ANKIB1: variants seen among roughly 807,000 people sequenced by gnomAD.
The protein encoded by ANKIB1 is ankyrin repeat and IBR domain-containing protein 1.
In ANKIB1, 43 loss-of-function variants were observed where a neutral mutation model predicts 122.1. The ratio of observed to expected loss-of-function variants is 0.35; its 90% CI spans 0.28 to 0.45. ANKIB1 has a LOEUF of 0.45. Ranked by LOEUF, ANKIB1 falls within the 20% of genes least tolerant of loss-of-function variation. The pLI, the probability that ANKIB1 is intolerant of heterozygous loss-of-function variation, is 1.00. For synonymous variants in ANKIB1, 390 were observed against 442.0 expected (o/e 0.88, Z 1.48); for missense variants, 992 against 1,329.5 (o/e 0.75, Z 3.95).
At chr7:92,305,003 T>C (rs1454786799) in intron 2 of ANKIB1, among the ~76,000 whole-genome samples, 5 of 152,184 alleles carry the variant, frequency 3.3e-5, no homozygotes, top group Non-Finnish European at 5.9e-5. Flanking sequence ...GTTATAACAC[T>C]CGTGGATAGA....
At position 92,307,657 on chromosome 7, in the gene ANKIB1, G is replaced by T; in HGVS notation, c.486+1G>T. 1 of 1,514,056 alleles carries T rather than the reference G, an allele frequency of 6.6e-7. No individual in the cohort carries two copies. 93.8% of individuals were successfully genotyped at this position (1,514,056 alleles called of 1,614,324 possible). A position where few individuals can be genotyped will look rare whatever the true frequency, so the allele number is the denominator to read the frequency against. On this transcript the variant is annotated splice_donor_variant, in intron 3 of 19. Transcript: ENST00000265742. LOFTEE classifies it high-confidence loss of function. ...CTCAGGGATGAAAGCCTGTGTAGAG[G>T]TAAATTTTTTTTTTTTTTAATATTC... is the stretch of plus-strand genomic sequence containing the variant.
intron 5 of ANKIB1, among the ~76,000 whole-genome samples, chr7:92,334,783 A>G (rs1468106836): frequency 8.5e-5 from 13 of 152,098 alleles, no homozygotes; most frequent in Admixed American, 3.9e-4. Context: ...TTTTCATATC[A>G]ATAGCTATAT....
intron 9 of ANKIB1, among the ~76,000 whole-genome samples, chr7:92,357,336 T>G (rs1803836448): frequency 6.6e-6 from 1 of 152,136 alleles, no homozygotes; most frequent in Admixed American, 6.6e-5. Context: ...TGTCCTGAGA[T>G]TCCCCTCCCC....
At chr7:92,383,113 C>A (rs1384930627) in intron 11 of ANKIB1, among the ~76,000 whole-genome samples, 1 of 152,154 alleles carries the variant, frequency 6.6e-6, no homozygotes, top group African/African-American at 2.4e-5. Context: ...ACATAAACAC[C>A]TCTACTCAAA....
chr7:92,317,157 C>T (rs1214792388), intron 3 of ANKIB1, among the ~76,000 whole-genome samples: 1 of 152,138 alleles, frequency 6.6e-6, no homozygotes, highest in Non-Finnish European at 1.5e-5. Context: ...TCTGGATTTA[C>T]TATAAGTTCC....
intron 7 of ANKIB1, among the ~76,000 whole-genome samples, chr7:92,345,834 G>A (rs961882586): frequency 1.3e-5 from 2 of 151,384 alleles, no homozygotes; most frequent in African/African-American, 4.9e-5. Context: ...GTTAGCAAGT[G>A]TAGGGAGCTA....
chr7:92,261,948 G>A (rs191414182), intron 1 of ANKIB1, among the ~76,000 whole-genome samples: 3 of 152,316 alleles, frequency 2.0e-5, no homozygotes, highest in East Asian at 1.9e-4. Context: ...GTAGGGAAGC[G>A]CAGTGACTCT....
intron 2 of ANKIB1, among the ~76,000 whole-genome samples, chr7:92,301,056 T>TA (rs1234611328): frequency 4.6e-5 from 7 of 152,188 alleles, no homozygotes; most frequent in Non-Finnish European, 8.8e-5. Context: ...TAATATTCCA[T>TA]TGTATATATG....
intron 2 of ANKIB1, among the ~76,000 whole-genome samples, 190 bp downstream of exon 2, chr7:92,295,356 T>G (rs1802332793): frequency 6.6e-6 from 1 of 152,178 alleles, no homozygotes; most frequent in Admixed American, 6.6e-5. Flanking sequence ...TACCTAAATA[T>G]TTGATATCAT....
chr7:92,351,055 A>C lies in ANKIB1; in HGVS notation c.1191A>C (p.Ser397=). The change falls in exon 8 of 20, where the codon TCA becomes TCC. Residue 397 remains serine, a synonymous_variant. Transcript: ENST00000265742. Reference sequence around the variant, plus strand: ...TGGATATCATAGAAAGTGTAGTTTCAAAGGAGATGGACAAACGATACCTAC... The same window carrying C: ...TGGATATCATAGAAAGTGTAGTTTCCAAGGAGATGGACAAACGATACCTAC... ...VPVDIIESVV[S]KEMDKRYLQF... The C allele has an allele frequency of 6.3e-7, 1 of 1,589,836 alleles. No individual in the cohort carries two copies. Among genetic ancestry groups the C allele is most frequent in the East Asian group, 2.3e-5 (1 of 44,312 alleles).
intron 11 of ANKIB1, among the ~76,000 whole-genome samples, chr7:92,381,031 A>G (rs1221523188): frequency 6.6e-6 from 1 of 152,214 alleles, no homozygotes; most frequent in Non-Finnish European, 1.5e-5. Context: ...TGAATGGCTA[A>G]CTAGAATAAA....
chr7:92,256,396 C>T (rs761363282), intron 1 of ANKIB1, among the ~76,000 whole-genome samples: 2 of 152,088 alleles, frequency 1.3e-5, no homozygotes, highest in African/African-American at 2.4e-5. Flanking sequence ...AAGCAAGGGC[C>T]ACCTATTAAG....
intron 1 of ANKIB1, among the ~76,000 whole-genome samples, chr7:92,252,917 T>C (rs181825878): frequency 7.2e-5 from 11 of 151,968 alleles, no homozygotes; most frequent in Admixed American, 5.2e-4. Context: ...TTTTGTGGGT[T>C]GTTTTTTTTT....
chr7:92,395,209 A>G (rs1054892256), intron 17 of ANKIB1, among the ~76,000 whole-genome samples: 12 of 152,286 alleles, frequency 7.9e-5, no homozygotes, highest in Admixed American at 7.2e-4. Flanking sequence ...GTGATAACAA[A>G]CTAACTTTAA....
chr7:92,377,245 G>A (rs1322382237), intron 11 of ANKIB1, among the ~76,000 whole-genome samples: 4 of 152,032 alleles, frequency 2.6e-5, no homozygotes, highest in Admixed American at 2.6e-4. Context: ...TTGTGTCTTA[G>A]GAAATAGGGA....
intron 11 of ANKIB1, among the ~76,000 whole-genome samples, chr7:92,373,955 C>T (rs1321794938): frequency 1.3e-5 from 2 of 151,996 alleles, no homozygotes; most frequent in African/African-American, 2.4e-5. Flanking sequence ...TATGCTATAA[C>T]GTTTTTTCCA....
intron 2 of ANKIB1, among the ~76,000 whole-genome samples, chr7:92,295,589 G>A (rs1287353796): frequency 6.6e-6 from 1 of 152,072 alleles, no homozygotes; most frequent in Admixed American, 6.6e-5. Context: ...TGGTGCCAAA[G>A]GCAAAGTTCC....
At chr7:92,368,831 G>T (rs910857118) in intron 10 of ANKIB1, among the ~76,000 whole-genome samples, 2 of 152,050 alleles carry the variant, frequency 1.3e-5, no homozygotes, top group Non-Finnish European at 1.5e-5. Context: ...AGTAATAGTT[G>T]GTTATTCCCT....
chr7:92,384,488 G>C (rs539223193), intron 11 of ANKIB1, among the ~76,000 whole-genome samples: 17 of 152,012 alleles, frequency 1.1e-4, no homozygotes, highest in African/African-American at 3.6e-4. Context: ...TCAAACTATA[G>C]TACAAGGCTA....
Sources: gnomAD v4.1 joint callset for allele counts (sites outside exome capture counted in the v4.1 genomes callset) on GRCh38, gnomAD v4.1.1 for gene constraint, MANE v1.5 for transcripts, NCBI Gene and HGNC (gene_info 2026-07-23, HGNC 2026-07-21) for gene names.